The following KRT4 variants were observed in gnomAD, a reference collection of about 807,000 sequenced individuals.
KRT4 encodes keratin, type II cytoskeletal 4.
In KRT4, 47 loss-of-function variants were observed where a neutral mutation model predicts 50.6. That is an observed-to-expected ratio of 0.93 (90% CI 0.73 to 1.18). The LOEUF (loss-of-function observed/expected upper bound fraction) is 1.18, where lower values mean the gene tolerates loss of function less well. Among genes scored for constraint, KRT4 ranks in the 50% most tolerant of loss-of-function variants. The pLI is 0.00. For missense variants in KRT4, 651 were observed against 645.7 expected (o/e 1.01, Z -0.09); for synonymous variants, 254 against 251.2 (o/e 1.01, Z -0.10).
chr12:52,808,947 G>A, intron 4 of KRT4, 97 bp from the exon 5 acceptor site: 1 of 1,315,650 alleles, frequency 7.6e-7, no homozygotes, highest in East Asian at 2.3e-5. Context: ...ACAATGTGTA[G>A]GAAGGGGAGA....
chr12:52,812,012 G>A, intron 1 of KRT4, 35 bp from the exon 2 acceptor site: 2 of 1,563,370 alleles, frequency 1.3e-6, no homozygotes, highest in Non-Finnish European at 1.8e-6. Flanking sequence ...AGTGATGAGG[G>A]CCTGAAGTGT....
chr12:52,811,923 G>A lies in KRT4; in HGVS notation c.517C>T (p.Gln173Ter). The change falls in exon 2 of 9, where the codon CAG becomes TAG. Residue 173 changes from glutamine (Q) to a stop codon, truncating the protein, a stop_gained. Coordinates refer to ENST00000551956, the MANE Select transcript of KRT4 (RefSeq NM_002272.4). LOFTEE classifies it high-confidence loss of function. Reference protein sequence around the residue: ...KVLETKWNLLQQQTTTTSSKN... With the variant: ...KVLETKWNLL ...CTGGAGGTGGTGGTCGTCTGCTGCT[G>A]GAGCAGGTTCCATTTGGTCTCCAGG... 6.2e-7 allele frequency: 1 copy of A among 1,613,978 alleles called. No individual in the cohort carries two copies. Among genetic ancestry groups the A allele is most frequent in the South Asian group, 1.1e-5 (1 of 91,068 alleles).
chr12:52,811,521 C>G (rs1939909574), intron 2 of KRT4: 6 of 531,804 alleles, frequency 1.1e-5, no homozygotes. Context: ...GGGTTCTGAT[C>G]TTGTTCGTAT....
At chr12:52,813,035 G>T (rs914006038) in intron 1 of KRT4, among the ~76,000 whole-genome samples, 3 of 152,074 alleles carry the variant, frequency 2.0e-5, no homozygotes, top group Non-Finnish European at 4.4e-5. Flanking sequence ...AAAGGAAGTT[G>T]GGCTACAAAA....
At chr12:52,812,307 A>AC (rs1398006907) in intron 1 of KRT4, among the ~76,000 whole-genome samples, 1 of 152,192 alleles carries the variant, frequency 6.6e-6, no homozygotes, top group African/African-American at 2.4e-5. Context: ...TAACAAAATA[A>AC]AATTAAGAGA....
chr12:52,809,071 T>A (rs1331542302), intron 4 of KRT4: 1 of 647,860 alleles, frequency 1.5e-6, no homozygotes, highest in African/African-American at 1.8e-5. Context: ...ATGCAGTGAG[T>A]GCCGGTGTGT....
Position 52,808,283 on chromosome 12 carries a change from G to A in KRT4, c.1125+11C>T. 1 of 1,614,090 alleles carries A rather than the reference G, an allele frequency of 6.2e-7. No individual in the cohort carries two copies. Among genetic ancestry groups the A allele is most frequent in the Non-Finnish European group, 8.5e-7 (1 of 1,180,018 alleles). On this transcript the variant is annotated intron_variant, in intron 6 of 8. Coordinates refer to ENST00000551956, the MANE Select transcript of KRT4 (RefSeq NM_002272.4). ...GGCCTTGTGCTCCATCTGGAAGGGA[G>A]TGACACCCACCTGCTTCTTGATGTT...
intron 4 of KRT4, 74 bp downstream of exon 4, chr12:52,809,309 T>C: frequency 1.7e-6 from 2 of 1,171,714 alleles, no homozygotes; most frequent in East Asian, 2.3e-5. Flanking sequence ...TTCAAAAAAC[T>C]GTGAATCCCA....
Position 52,813,901 on chromosome 12 carries a change from T to C in KRT4, c.158A>G (p.Tyr53Cys). 1.7e-6 allele frequency: 2 copies of C among 1,199,694 alleles called. No individual in the cohort carries two copies. Among genetic ancestry groups the C allele is most frequent in the Non-Finnish European group, 1.0e-6 (1 of 957,682 alleles). 74.3% of individuals were successfully genotyped at this position (1,199,694 alleles called of 1,614,324 possible). The change falls in exon 1 of 9, where the codon TAC becomes TGC. Residue 53 changes from tyrosine (Y) to cysteine (C), a missense_variant. Coordinates refer to ENST00000551956, the MANE Select transcript of KRT4 (RefSeq NM_002272.4). The stretch of plus-strand genomic sequence containing the variant: ...GATGCTTTTGTTCCCCCTGAGGTTG[T>C]AGAGGCTTCTGCTGCCAAATCCCCC... Reference protein sequence around the residue: ...SSGGFGSRSLYNLRGNKSISM... With the variant: ...SSGGFGSRSLCNLRGNKSISM...
Position 52,811,411 on chromosome 12 carries a change from G to A in KRT4, c.677+352C>T, listed in dbSNP as rs1939907647. 1.0e-5 allele frequency: 3 copies of A among 297,188 alleles called. No individual in the cohort carries two copies. The South Asian group carries it at 1.2e-4, about 12-fold the overall frequency. The allele number at this position is 297,188 out of a possible 1,614,324, so 18.4% of individuals were successfully genotyped here. ...AGAGAGGTTCAGCTATTTACCCAAG[G>A]TCACACAGCTAGTAAGTGAGGACTC... On this transcript the variant is annotated intron_variant, in intron 2 of 8. Coordinates refer to ENST00000551956, the MANE Select transcript of KRT4 (RefSeq NM_002272.4).
chr12:52,807,978 G>A, intron 6 of KRT4, 114 bp from the exon 7 acceptor site: 1 of 971,308 alleles, frequency 1.0e-6, no homozygotes, highest in African/African-American at 1.6e-5. Flanking sequence ...GATTCTATCT[G>A]TTCTGCCCAC....
Position 52,809,416 on chromosome 12 carries a change from G to A in KRT4, c.801C>T (p.Asp267=), listed in dbSNP as rs369207280. The change falls in exon 4 of 9, where the codon GAC becomes GAT. Residue 267 remains aspartate, a synonymous_variant. Coordinates refer to ENST00000551956, the MANE Select transcript of KRT4 (RefSeq NM_002272.4). ...ELEAKVDSLN[D]EINFLKVLYD... ...AGAGGACCTTCAGGAAGTTGATCTC[G>A]TCATTAAGACTGTCCACCTTGGCCT... The A allele has an allele frequency of 5.6e-5, 91 of 1,613,904 alleles. 1 individual carries two copies. The highest frequency in any genetic ancestry group is 4.1e-4 in the South Asian group (37 of 91,078).
In KRT4 at chr12:52,807,212, C is replaced by T. The variant is rs943439676; in HGVS notation, c.1420G>A (p.Gly474Arg). 11 of 1,614,178 alleles carry T rather than the reference C, an allele frequency of 6.8e-6. No homozygotes were observed. Among genetic ancestry groups the T allele is most frequent in the East Asian group, 4.5e-5 (2 of 44,892 alleles). ...SGSTSTGGISGGLGSGSGFGL... is the reference protein window; with the variant it reads ...SGSTSTGGISRGLGSGSGFGL... ...AACCCGGAGCCACTTCCTAATCCTCCGCTGATGCCTCCAGTGCTGGTGCTA... is the reference window on the plus strand; with the variant it reads ...AACCCGGAGCCACTTCCTAATCCTCTGCTGATGCCTCCAGTGCTGGTGCTA... The change falls in exon 9 of 9, where the codon GGA (glycine) becomes AGA (arginine). Residue 474 changes from glycine to arginine, a missense_variant. By Grantham distance (125) the Gly-to-Arg change is moderately radical. Transcript: ENST00000551956.
At chr12:52,810,505 C>T (rs1308052952) in intron 3 of KRT4, among the ~76,000 whole-genome samples, 1 of 152,136 alleles carries the variant, frequency 6.6e-6, no homozygotes, top group African/African-American at 2.4e-5. Flanking sequence ...CAAGATCGCG[C>T]CATTGCACTG....
chr12:52,810,746 C>G lies in KRT4; in HGVS notation c.738+10G>C, dbSNP rs372766731. 7 of 1,613,198 alleles carry G rather than the reference C, an allele frequency of 4.3e-6. No homozygotes were observed. The highest frequency in any genetic ancestry group is 5.9e-6 in the Non-Finnish European group (7 of 1,179,354). ...CCTGAAGGCACTCCCTACCATCCTTCGTCTCTTACCTTCTTTAGGACCACA... is the reference window on the plus strand; with the variant it reads ...CCTGAAGGCACTCCCTACCATCCTTGGTCTCTTACCTTCTTTAGGACCACA... On this transcript the variant is annotated intron_variant, in intron 3 of 8. Coordinates refer to ENST00000551956, the MANE Select transcript of KRT4 (RefSeq NM_002272.4).
Position 52,806,663 on chromosome 12 carries a change from C to T in KRT4, c.*406G>A. ...CCTAAGCTTGCAGGGCCAAGTGCTG[C>T]CGGGTGTTGGAGAAGTAGTTTGGTT... On this transcript the variant is annotated 3_prime_UTR_variant, in exon 9 of 9. Transcript: ENST00000551956. 1 of 278,054 alleles carries T rather than the reference C, an allele frequency of 3.6e-6. No individual in the cohort carries two copies. The highest frequency in any genetic ancestry group is 7.1e-6 in the Non-Finnish European group (1 of 141,284). The allele number at this position is 278,054 out of a possible 1,614,324, so 17.2% of individuals were successfully genotyped here. A position where few individuals can be genotyped will look rare whatever the true frequency, so the allele number is the denominator to read the frequency against.
intron 5 of KRT4, 133 bp downstream of exon 5, chr12:52,808,553 G>A: frequency 6.7e-7 from 1 of 1,498,708 alleles, no homozygotes; most frequent in East Asian, 2.3e-5. Context: ...AATCAGACCA[G>A]GACCAACGAT....
Position 52,808,433 on chromosome 12 carries a change from A to C in KRT4, c.1000-14T>G, listed in dbSNP as rs756790273. 3 of 1,613,340 alleles carry C rather than the reference A, an allele frequency of 1.9e-6. No individual in the cohort carries two copies. In the South Asian group the frequency reaches 3.3e-5, roughly 18 times the overall value. On this transcript the variant is annotated splice_polypyrimidine_tract_variant and intron_variant, in intron 5 of 8. Coordinates refer to ENST00000551956, the MANE Select transcript of KRT4 (RefSeq NM_002272.4). ...GAGCTGCTGGACCTAAGACTCAAGAAGACACAGAGAACCAGGTGTTAGGGG... is the reference window on the plus strand; with the variant it reads ...GAGCTGCTGGACCTAAGACTCAAGACGACACAGAGAACCAGGTGTTAGGGG...
Position 52,809,375 on chromosome 12 carries a change from G to T in KRT4, c.834+8C>A. On this transcript the variant is annotated splice_region_variant and intron_variant, in intron 4 of 8. Coordinates refer to ENST00000551956, the MANE Select transcript of KRT4 (RefSeq NM_002272.4). ...TTCCCTGGATGGAGGGGAGGATGGA[G>T]CCCTCACCGCATCATAGAGGACCTT... 2 of 1,598,004 alleles carry T rather than the reference G, an allele frequency of 1.3e-6. No homozygotes were observed. Among genetic ancestry groups the T allele is most frequent in the Non-Finnish European group, 1.7e-6 (2 of 1,165,222 alleles).
Sources: allele counts gnomAD v4.1 joint callset (sites outside exome capture counted in the v4.1 genomes callset), GRCh38; gene constraint gnomAD v4.1.1; transcripts MANE v1.5; gene names NCBI Gene and HGNC (gene_info 2026-07-23, HGNC 2026-07-21).